PRELID2: variants seen among roughly 807,000 people sequenced by gnomAD.
PRELID2 encodes PRELI domain-containing protein 2.
PRELID2 carries 25 observed loss-of-function variants against 28.4 expected under a neutral mutation model. The observed-to-expected ratio is 0.88, with a 90% CI of 0.64 to 1.23. The LOEUF (loss-of-function observed/expected upper bound fraction) is 1.23. Ranked by LOEUF, PRELID2 falls within the 50% of genes most tolerant of loss-of-function variation. The pLI is 0.00. For missense variants in PRELID2, 201 were observed against 214.4 expected (o/e 0.94, Z 0.39); for synonymous variants, 76 against 71.6 (o/e 1.06, Z -0.31).
At chr5:145,741,748 A>C (rs1303486771) in intron 1 of PRELID2, among the ~76,000 whole-genome samples, 1 of 110,944 alleles carries the variant, frequency 9.0e-6, no homozygotes, top group Non-Finnish European at 1.7e-5. Flanking sequence ...TAATTTATTT[A>C]TATATTAATT....
chr5:145,728,461 T>C (rs1367255950), intron 1 of PRELID2: 5 of 620,316 alleles, frequency 8.1e-6, no homozygotes, highest in East Asian at 5.5e-5. Flanking sequence ...TGGAACCAGA[T>C]TGAAGGGAAC....
chr5:145,232,136 A>T, the PRELID2 span, among the ~76,000 whole-genome samples: 1 of 152,068 alleles, frequency 6.6e-6, no homozygotes, highest in East Asian at 1.9e-4. Context: ...ATGCTGAGTG[A>T]CGCCTTAGTG....
chr5:145,665,309 A>G (rs1448616439), intron 1 of PRELID2, among the ~76,000 whole-genome samples: 1 of 152,074 alleles, frequency 6.6e-6, no homozygotes. Flanking sequence ...TTGACAAATC[A>G]TTGGCAATCG....
intron 1 of PRELID2, among the ~76,000 whole-genome samples, chr5:145,706,567 T>C (rs901445502): frequency 2.6e-5 from 4 of 152,174 alleles, no homozygotes; most frequent in Non-Finnish European, 5.9e-5. Context: ...ATAGGGGAAA[T>C]ACAATTCAAT....
intron 1 of PRELID2, among the ~76,000 whole-genome samples, chr5:145,547,099 C>A (rs2126677626): frequency 6.6e-6 from 1 of 152,268 alleles, no homozygotes; most frequent in African/African-American, 2.4e-5. Flanking sequence ...CTTCTTCAAA[C>A]AAGAATATAC....
intron 1 of PRELID2, among the ~76,000 whole-genome samples, chr5:145,692,311 TTTATATG>T (rs1755166928): frequency 6.6e-6 from 1 of 152,048 alleles, no homozygotes; most frequent in Non-Finnish European, 1.5e-5. Context: ...ACAGGAAAGG[TTTATATG>T]TATTTTTGTC....
intron 5 of PRELID2, among the ~76,000 whole-genome samples, chr5:145,781,290 G>T (rs899098414): frequency 2.0e-5 from 3 of 152,186 alleles, no homozygotes; most frequent in African/African-American, 7.2e-5. Context: ...CACAGCTGTT[G>T]CTAAACTAGT....
chr5:145,320,200 C>T, the PRELID2 span, among the ~76,000 whole-genome samples: 1 of 151,954 alleles, frequency 6.6e-6, no homozygotes, highest in Non-Finnish European at 1.5e-5. Flanking sequence ...TTCCTGAGTG[C>T]TCCTTAAACT....
intron 1 of PRELID2, among the ~76,000 whole-genome samples, chr5:145,513,318 T>C (rs952459867): frequency 1.3e-5 from 2 of 151,428 alleles, no homozygotes; most frequent in Admixed American, 1.3e-4. Flanking sequence ...CTGAAAAACA[T>C]AGCACAAGAA....
rs541384851 is a variant in PRELID2 at position 145,572,470 on chromosome 5, A to G, written n.71-99155T>C. Among the ~76,000 whole-genome samples the G allele has an allele frequency of 2.6e-5, 4 of 152,330 alleles. No individual in the cohort carries two copies. The South Asian group carries it at 8.3e-4, about 32-fold the overall frequency. On this transcript the variant is annotated intron_variant and non_coding_transcript_variant, in intron 1 of 2. Coordinates refer to the PRELID2 transcript ENST00000510259. ...ATAGGATTTTTTAAGGATTACCTAA[A>G]TTAATACATATAAAGCACTTAATGT...
chr5:145,804,948 T>G (rs1753396753), intron 4 of PRELID2, among the ~76,000 whole-genome samples: 2 of 152,210 alleles, frequency 1.3e-5, no homozygotes, highest in African/African-American at 4.8e-5. Flanking sequence ...GTCTGCCCAG[T>G]GGAGGAGGTA....
the PRELID2 span, among the ~76,000 whole-genome samples, chr5:145,385,975 G>A: frequency 2.0e-5 from 3 of 151,984 alleles, no homozygotes; most frequent in African/African-American, 7.2e-5. Context: ...TCAAGGGAGG[G>A]ACAACGTGGG....
At chr5:145,719,739 G>C (rs1755937588) in intron 1 of PRELID2, among the ~76,000 whole-genome samples, 1 of 151,748 alleles carries the variant, frequency 6.6e-6, no homozygotes, top group African/African-American at 2.4e-5. Flanking sequence ...ACCTAAAATT[G>C]AAACATTCAA....
intron 1 of PRELID2, among the ~76,000 whole-genome samples, chr5:145,543,379 T>C (rs1483691695): frequency 2.0e-5 from 3 of 152,124 alleles, no homozygotes; most frequent in Non-Finnish European, 2.9e-5. Context: ...GTGTGTTCTA[T>C]ATGGGCCTAA....
At chr5:145,556,775 G>A (rs1040125287) in intron 1 of PRELID2, among the ~76,000 whole-genome samples, 3 of 152,126 alleles carry the variant, frequency 2.0e-5, no homozygotes, top group Non-Finnish European at 4.4e-5. Context: ...CCTTCTCCCA[G>A]GAGATAATAC....
chr5:145,380,150 T>C, the PRELID2 span, among the ~76,000 whole-genome samples: 1 of 152,160 alleles, frequency 6.6e-6, no homozygotes, highest in African/African-American at 2.4e-5. Context: ...TAAGTGTCCA[T>C]GGTGGTTGAG....
chr5:145,545,047 G>A (rs1438703245), intron 1 of PRELID2, among the ~76,000 whole-genome samples: 1 of 152,116 alleles, frequency 6.6e-6, no homozygotes, highest in African/African-American at 2.4e-5. Flanking sequence ...TTCATATAGA[G>A]CTCAAAGAGA....
chr5:145,615,011 T>TC (rs1487234785), intron 1 of PRELID2, among the ~76,000 whole-genome samples: 1 of 152,146 alleles, frequency 6.6e-6, no homozygotes, highest in Non-Finnish European at 1.5e-5. Flanking sequence ...AGTATTGAAG[T>TC]CCCCCACTAT....
the PRELID2 span, among the ~76,000 whole-genome samples, chr5:145,387,936 C>CAAAAAAAAAAA: frequency 3.6e-5 from 4 of 111,048 alleles, no homozygotes; most frequent in Non-Finnish European, 5.7e-5. Flanking sequence ...AAGACAGAAC[C>CAAAAAAAAAAA]AAAAAAAAAA....
Sources: allele counts gnomAD v4.1 joint callset (sites outside exome capture counted in the v4.1 genomes callset), GRCh38; gene constraint gnomAD v4.1.1; transcripts MANE v1.5; gene names NCBI Gene and HGNC (gene_info 2026-07-23, HGNC 2026-07-21).